The following ZNF556 variants were observed in gnomAD, a reference collection of about 807,000 sequenced individuals.
ZNF556 encodes the protein zinc finger protein 556.
A neutral mutation model predicts 13.6 loss-of-function variants in ZNF556; 11 were observed. The ratio of observed to expected loss-of-function variants is 0.81; its 90% CI spans 0.51 to 1.33. The LOEUF (loss-of-function observed/expected upper bound fraction) is 1.33, where lower values mean the gene tolerates loss of function less well. ZNF556 is among the 40% of genes most tolerant of loss of function. The probability of loss-of-function intolerance (pLI) is 0.00; values close to 1 mark genes in which losing one functional copy is unlikely to be tolerated. For missense variants in ZNF556, 633 were observed against 566.2 expected, an observed-to-expected ratio of 1.12 and a Z score of -1.20; for synonymous variants, 229 against 207.8, an observed-to-expected ratio of 1.10 and a Z score of -0.88.
intron 2 of ZNF556, chr19:2,875,312 G>C (rs1801950876): frequency 6.6e-6 from 1 of 152,064 alleles, no homozygotes; most frequent in Non-Finnish European, 1.5e-5. Context: ...TCCTGCCTCA[G>C]CCTCCCGAGT....
chr19:2,867,560 T>G, intron 1 of ZNF556, 136 bp downstream of exon 1: 1 of 1,276,118 alleles, frequency 7.8e-7, no homozygotes, highest in Non-Finnish European at 1.1e-6. Context: ...CACCCCCGGG[T>G]CCTGCGGGGA....
At chr19:2,869,273 C>T (rs1568351267) in intron 1 of ZNF556, among the ~76,000 whole-genome samples, 1 of 152,308 alleles carries the variant, frequency 6.6e-6, no homozygotes, top group East Asian at 1.9e-4. Flanking sequence ...ATTATTCCAG[C>T]TTTCCTGTGT....
Position 2,882,413 on chromosome 19 carries a change from G to A in ZNF556, c.*4084G>A, listed in dbSNP as rs2087910731. ...ACTACACTCCAGCCTGGGCGACTGA[G>A]TGGGACTCTGTCTCAAAAAAAAAAA... On this transcript the variant is annotated 3_prime_UTR_variant, in exon 4 of 4. Coordinates refer to ENST00000307635, the MANE Select transcript of ZNF556 (RefSeq NM_024967.3). 6.6e-6 allele frequency: 1 copy of A among 151,420 alleles called. No homozygotes were observed. Among genetic ancestry groups the A allele is most frequent in the Admixed American group, 6.6e-5 (1 of 15,156 alleles). 9.4% of individuals were successfully genotyped at this position (151,420 alleles called of 1,614,324 possible).
At position 2,877,661 on chromosome 19, in the gene ZNF556, C is replaced by T. The variant is rs745778133; in HGVS notation, c.703C>T (p.Gln235Ter). The T allele has an allele frequency of 1.9e-6, 3 of 1,614,158 alleles. No individual in the cohort carries two copies. The highest frequency in any genetic ancestry group is 2.2e-5 in the South Asian group (2 of 91,072). The change falls in exon 4 of 4, where the codon CAG becomes TAG. Residue 235 changes from glutamine to a stop codon, truncating the protein, a stop_gained. Transcript: ENST00000307635. LOFTEE classifies it low-confidence loss of function (END_TRUNC). The part of the protein sequence containing the change: ...HTGEKPYECG[Q>*]CGKGFSCPKS... ...TGGAGAGAAACCCTACGAATGTGGG[C>T]AGTGTGGGAAAGGCTTCAGTTGTCC...
In ZNF556 at chr19:2,876,251, C is replaced by T. The variant is rs753739783; in HGVS notation, c.289C>T (p.His97Tyr). The T allele has an allele frequency of 7.5e-6, 12 of 1,600,832 alleles. No individual in the cohort carries two copies. In the East Asian group the frequency reaches 2.7e-4, roughly 36 times the overall value. The change falls in exon 3 of 4, where the codon CAC (histidine) becomes TAC (tyrosine). Residue 97 changes from histidine to tyrosine, a missense_variant. Transcript: ENST00000307635. ...NWEEHSVKDK[H>Y]NTKERHLSRN... ...GGAAGAACATAGCGTTAAAGACAAG[C>T]ACAACACCAAGGAGAGACATTTGAG...
At chr19:2,870,684 T>C (rs2087795302) in intron 1 of ZNF556, among the ~76,000 whole-genome samples, 1 of 149,584 alleles carries the variant, frequency 6.7e-6, no homozygotes, top group African/African-American at 2.5e-5. Flanking sequence ...AAGGTGGAGT[T>C]TGCAGTGAGC....
rs2087881929 is a variant in ZNF556, at chr19:2,878,618, G to T, written c.*289G>T. ...GTGAACCCGGGAGGCGGAGCTTGCA[G>T]TGAGCCGAGATGGCACCACTGCACT... On this transcript the variant is annotated 3_prime_UTR_variant, in exon 4 of 4. Transcript: ENST00000307635. The T allele has an allele frequency of 2.6e-5, 7 of 271,560 alleles. No individual in the cohort carries two copies. In the South Asian group the frequency reaches 3.0e-4, roughly 12 times the overall value. The allele number at this position is 271,560 out of a possible 1,614,324, so 16.8% of individuals were successfully genotyped here.
rs1272011378 is a variant in ZNF556, at chr19:2,879,498, CA to C, written c.*1170del. On this transcript the variant is annotated 3_prime_UTR_variant, in exon 4 of 4. Transcript: ENST00000307635. Reference sequence around the variant, plus strand: ...CCAAGTAGCTGGGACTATAGGCATGCACCACCATGTCCAGCTAATTTTTGTA... The same window carrying C: ...CCAAGTAGCTGGGACTATAGGCATGCCCACCATGTCCAGCTAATTTTTGTA... The C allele has an allele frequency of 6.6e-6, 1 of 152,084 alleles. No individual in the cohort carries two copies. 9.4% of individuals were successfully genotyped at this position (152,084 alleles called of 1,614,324 possible).
rs143693374 is a variant in ZNF556, at chr19:2,876,399, G to C, written c.314+123G>C. ...GGGGTGAGGAGTTTGTGACCAGCCT[G>C]ACCCATATGGTGAAACCTTGTCTCT... On this transcript the variant is annotated intron_variant, in intron 3 of 3. Transcript: ENST00000307635. 2.6e-4 allele frequency: 247 copies of C among 953,070 alleles called. No homozygotes were observed. The African/African-American group carries it at 3.5e-3, about 13-fold the overall frequency. The allele number at this position is 953,070 out of a possible 1,614,324, so 59.0% of individuals were successfully genotyped here.
rs189587515 is a variant in ZNF556, at chr19:2,876,913, T to A, written c.315-360T>A. ...AAAATGTTATCCTAATATTCATTAA[T>A]ATATATTAAGAAATAATTGGCCGGT... On this transcript the variant is annotated intron_variant, in intron 3 of 3. Transcript: ENST00000307635. 2.8e-3 allele frequency among the ~76,000 whole-genome samples: 431 copies of A among 152,142 alleles called. 3 individuals carry two copies. The highest frequency in any genetic ancestry group is 4.5e-3 in the Non-Finnish European group (304 of 68,000).
chr19:2,877,572 G>T lies in ZNF556; in HGVS notation c.614G>T (p.Cys205Phe). Reference protein sequence around the residue: ...KTHSGEKPYACQSCGKTFLRS... With the variant: ...KTHSGEKPYAFQSCGKTFLRS... Reference sequence around the variant, plus strand: ...CACAGTGGAGAGAAACCCTATGCCTGTCAATCTTGCGGGAAGACATTTCTT... The same window carrying T: ...CACAGTGGAGAGAAACCCTATGCCTTTCAATCTTGCGGGAAGACATTTCTT... The change falls in exon 4 of 4, where the codon TGT (cysteine) becomes TTT (phenylalanine). Residue 205 changes from cysteine (C) to phenylalanine (F), a missense_variant. Cys to Phe is a radical substitution (Grantham distance 205). Transcript: ENST00000307635. The T allele has an allele frequency of 6.2e-7, 1 of 1,614,174 alleles. No individual in the cohort carries two copies. Among genetic ancestry groups the T allele is most frequent in the South Asian group, 1.1e-5 (1 of 91,086 alleles).
Position 2,877,642 on chromosome 19 carries a change from GA to G in ZNF556, c.687del (p.Lys229AsnfsTer22). Reference sequence around the variant, plus strand: ...AACATGTAAGGACTCACACTGGAGAGAAACCCTACGAATGTGGGCAGTGTGG... The same window carrying G: ...AACATGTAAGGACTCACACTGGAGAGAACCCTACGAATGTGGGCAGTGTGG... Reference protein sequence around the residue: ...TEHVRTHTGEKPYECGQCGKG... With the variant: ...TEHVRTHTGEXPYECGQCGKG... On this transcript the variant is annotated frameshift_variant, in exon 4 of 4. Transcript: ENST00000307635. LOFTEE classifies it low-confidence loss of function (END_TRUNC). 1.2e-6 allele frequency: 2 copies of G among 1,614,230 alleles called. No individual in the cohort carries two copies. The highest frequency in any genetic ancestry group is 1.1e-5 in the South Asian group (1 of 91,084).
intron 1 of ZNF556, among the ~76,000 whole-genome samples, chr19:2,867,791 G>A (rs1033158314): frequency 2.6e-5 from 4 of 151,608 alleles, no homozygotes; most frequent in Non-Finnish European, 5.9e-5. Flanking sequence ...CGCTTTGGAT[G>A]CAGACTTTGG....
chr19:2,876,238 C>T lies in ZNF556; in HGVS notation c.276C>T (p.Ser92=), dbSNP rs1301971935. 7 of 1,606,072 alleles carry T rather than the reference C, an allele frequency of 4.4e-6. No individual in the cohort carries two copies. Among genetic ancestry groups the T allele is most frequent in the Admixed American group, 1.7e-5 (1 of 57,898 alleles). ...TAGGAAAAAATTGGGAAGAACATAG[C>T]GTTAAAGACAAGCACAACACCAAGG... ...SLLGKNWEEH[S]VKDKHNTKER... is the part of the protein sequence containing the mutation. Residue 92 remains serine, a synonymous_variant, in exon 3 of 4, where the codon AGC becomes AGT. Transcript: ENST00000307635.
intron 2 of ZNF556, among the ~76,000 whole-genome samples, chr19:2,873,938 C>A (rs1366365126): frequency 6.6e-6 from 1 of 151,822 alleles, no homozygotes; most frequent in Non-Finnish European, 1.5e-5. Flanking sequence ...GCCAGGGTGA[C>A]AACTTGAGAC....
chr19:2,874,249 T>C (rs1023918066), intron 2 of ZNF556, among the ~76,000 whole-genome samples: 19 of 151,946 alleles, frequency 1.3e-4, no homozygotes, highest in Non-Finnish European at 2.5e-4. Context: ...AGAGTGAGAC[T>C]CCGTCTCAAA....
intron 1 of ZNF556, among the ~76,000 whole-genome samples, chr19:2,871,428 A>C (rs1393221606): frequency 6.6e-6 from 1 of 152,220 alleles, no homozygotes; most frequent in Non-Finnish European, 1.5e-5. Flanking sequence ...GATGTTGGTC[A>C]AAGTGAACCA....
rs1185180953 is a variant in ZNF556, at chr19:2,880,952, C to A, written c.*2623C>A. The A allele has an allele frequency of 6.6e-6, 1 of 151,024 alleles. No individual in the cohort carries two copies. The highest frequency in any genetic ancestry group is 1.5e-5 in the Non-Finnish European group (1 of 67,812). The allele number at this position is 151,024 out of a possible 1,614,324, so 9.4% of individuals were successfully genotyped here. A position where few individuals can be genotyped will look rare whatever the true frequency, so the allele number is the denominator to read the frequency against. On this transcript the variant is annotated 3_prime_UTR_variant, in exon 4 of 4. Transcript: ENST00000307635. ...GCCGTGATCTTGGCTCACTGCAACC[C>A]CCCCGCCAAGGTTCAAGTGATTCTC...
In ZNF556 at chr19:2,873,520, G is replaced by A. The variant is rs1266054308; in HGVS notation, c.28G>A (p.Val10Ile). Residue 10 changes from valine to isoleucine, a missense_variant, in exon 2 of 4, where the codon GTT becomes ATT. Coordinates refer to ENST00000307635, the MANE Select transcript of ZNF556 (RefSeq NM_024967.3). MDTVVFEDV[V>I]VDFTLEEWAL... ...GGACACAGTGGTCTTTGAAGACGTG[G>A]TTGTGGATTTCACGCTGGAGGAGTG... 1 of 1,614,174 alleles carries A rather than the reference G, an allele frequency of 6.2e-7. No individual in the cohort carries two copies. The highest frequency in any genetic ancestry group is 8.5e-7 in the Non-Finnish European group (1 of 1,180,022).
Sources: gnomAD v4.1 joint callset for allele counts (sites outside exome capture counted in the v4.1 genomes callset) on GRCh38, gnomAD v4.1.1 for gene constraint, MANE v1.5 for transcripts, NCBI Gene and HGNC (gene_info 2026-07-23, HGNC 2026-07-21) for gene names.